CLEC10A: variants seen among roughly 807,000 people sequenced by gnomAD.
CLEC10A encodes the protein C-type lectin domain family 10 member A.
Under a neutral mutation model 42.0 loss-of-function variants are expected in CLEC10A, and 38 were observed. The ratio of observed to expected loss-of-function variants is 0.90; its 90% CI spans 0.70 to 1.18. CLEC10A has a LOEUF of 1.18. CLEC10A is among the 50% of genes most tolerant of loss of function. The pLI, the probability that CLEC10A is intolerant of heterozygous loss-of-function variation, is 0.00. For missense variants in CLEC10A, 298 were observed against 345.9 expected, an observed-to-expected ratio of 0.86 and a Z score of 1.10; for synonymous variants, 126 against 139.9, an observed-to-expected ratio of 0.90 and a Z score of 0.70.
intron 5 of CLEC10A, among the ~76,000 whole-genome samples, chr17:7,076,524 G>T (rs1911761581): frequency 6.6e-6 from 1 of 151,580 alleles, no homozygotes; most frequent in Admixed American, 6.6e-5. Context: ...ATGTCGATCA[G>T]GCTGCTCTCG....
At chr17:7,077,752 C>T in intron 3 of CLEC10A, among the ~76,000 whole-genome samples, 1 of 151,830 alleles carries the variant, frequency 6.6e-6, no homozygotes, top group Non-Finnish European at 1.5e-5. Flanking sequence ...CTCCTCCATT[C>T]CCATCAATCA....
chr17:7,076,476 A>AT (rs1220327608), intron 5 of CLEC10A, among the ~76,000 whole-genome samples: 3 of 150,208 alleles, frequency 2.0e-5, no homozygotes, highest in African/African-American at 7.4e-5. Context: ...ACACCCAGCT[A>AT]TTTTTTGTAT....
Position 7,075,393 on chromosome 17 carries a change from C to T in CLEC10A, c.668G>A (p.Trp223Ter). The T allele has an allele frequency of 6.6e-7, 1 of 1,520,532 alleles. No individual in the cohort carries two copies. The highest frequency in any genetic ancestry group is 8.8e-7 in the Non-Finnish European group (1 of 1,137,236). 94.2% of individuals were successfully genotyped at this position (1,520,532 alleles called of 1,614,324 possible). A position where few individuals can be genotyped will look rare whatever the true frequency, so the allele number is the denominator to read the frequency against. ...GGTCGCATAGTCTGTTCCATCCACCCACTTCCAGGCTCCTTCAGGGTCACT... is the reference window on the plus strand; with the variant it reads ...GGTCGCATAGTCTGTTCCATCCACCTACTTCCAGGCTCCTTCAGGGTCACT... ...GLSDPEGAWK[W>*]VDGTDYATGF... Residue 223 changes from tryptophan to a stop codon, truncating the protein, a stop_gained, in exon 8 of 9, where the codon TGG becomes TAG. Transcript: ENST00000416562. LOFTEE classifies it high-confidence loss of function.
intron 2 of CLEC10A, among the ~76,000 whole-genome samples, 169 bp from the exon 3 acceptor site, chr17:7,078,282 G>A (rs1334615184): frequency 1.3e-5 from 2 of 152,080 alleles, no homozygotes; most frequent in East Asian, 1.9e-4. Context: ...TGACTTCAGG[G>A]ACCAGCACAA....
At position 7,074,947 on chromosome 17, in the gene CLEC10A, A is replaced by G; in HGVS notation, c.*107T>C. On this transcript the variant is annotated 3_prime_UTR_variant, in exon 9 of 9. Coordinates refer to ENST00000416562, the MANE Select transcript of CLEC10A (RefSeq NM_001330070.2). ...ATTCAAAATGTTAGCAGTGCTTCCA[A>G]TCTCCCAGTGCTTATTTCTCTCCCA... 1.2e-6 allele frequency: 1 copy of G among 843,590 alleles called. No individual in the cohort carries two copies. The highest frequency in any genetic ancestry group is 3.1e-5 in the Admixed American group (1 of 32,744). The allele number at this position is 843,590 out of a possible 1,614,324, so 52.3% of individuals were successfully genotyped here.
intron 2 of CLEC10A, 110 bp from the exon 3 acceptor site, chr17:7,078,223 G>T: frequency 1.4e-6 from 1 of 740,648 alleles, no homozygotes; most frequent in South Asian, 1.8e-5. Context: ...GGGGACTCCA[G>T]GGGAGGGTTG....
chr17:7,075,841 G>T lies in CLEC10A; in HGVS notation c.484C>A (p.Gln162Lys). Residue 162 changes from glutamine (Q) to lysine (K), a missense_variant, in exon 7 of 9, where the codon CAA (glutamine) becomes AAA (lysine). Gln to Lys is a moderately conservative substitution (Grantham distance 53, BLOSUM62 1). Transcript: ENST00000416562. ...TGAGAGAACCAGTAGCAGCTGTCTT[G>T]GTGCTCCACCCAGTTGACAGGGCAG... Reference protein sequence around the residue: ...TCCPVNWVEHQDSCYWFSHSG... With the variant: ...TCCPVNWVEHKDSCYWFSHSG... 6.2e-7 allele frequency: 1 copy of T among 1,614,118 alleles called. No individual in the cohort carries two copies. Among genetic ancestry groups the T allele is most frequent in the Non-Finnish European group, 8.5e-7 (1 of 1,179,964 alleles).
Position 7,078,752 on chromosome 17 carries a change from T to C in CLEC10A, c.61A>G (p.Lys21Glu), listed in dbSNP as rs1302920510. 1 of 1,614,110 alleles carries C rather than the reference T, an allele frequency of 6.2e-7. No individual in the cohort carries two copies. The highest frequency in any genetic ancestry group is 1.1e-5 in the South Asian group (1 of 91,080). The change falls in exon 2 of 9, where the codon AAA becomes GAA. Residue 21 changes from lysine to glutamate, a missense_variant. Around this residue, in one of 3 missense-constraint regions of CLEC10A, gnomAD observed 27 missense variants for 37.0 expected, o/e 0.73. Transcript: ENST00000416562. ...LENKVKVQGFKNGPLPLQSLL... is the reference protein window; with the variant it reads ...LENKVKVQGFENGPLPLQSLL... ...GTTTCCCCTTTCCTCTTACCATTTT[T>C]AAACCCCTGGACTTTCACCTTATTC...
Position 7,075,482 on chromosome 17 carries a change from G to T in CLEC10A, c.595-16C>A. The T allele has an allele frequency of 6.5e-7, 1 of 1,527,812 alleles. No homozygotes were observed. Among genetic ancestry groups the T allele is most frequent in the Non-Finnish European group, 8.8e-7 (1 of 1,135,792 alleles). The allele number at this position is 1,527,812 out of a possible 1,614,324, so 94.6% of individuals were successfully genotyped here. A position where few individuals can be genotyped will look rare whatever the true frequency, so the allele number is the denominator to read the frequency against. On this transcript the variant is annotated splice_polypyrimidine_tract_variant and intron_variant, in intron 7 of 8. Transcript: ENST00000416562. ...GGACAAAATTCTGCGGTGACAGAAG[G>T]GCAGTGGTGACTTCTTCCCATCCCA...
chr17:7,074,867 A>G lies in CLEC10A; in HGVS notation c.*187T>C. The G allele has an allele frequency of 2.3e-6, 1 of 428,736 alleles. No individual in the cohort carries two copies. The highest frequency in any genetic ancestry group is 4.0e-6 in the Non-Finnish European group (1 of 251,516). The allele number at this position is 428,736 out of a possible 1,614,324, so 26.6% of individuals were successfully genotyped here. A position where few individuals can be genotyped will look rare whatever the true frequency, so the allele number is the denominator to read the frequency against. ...TGAAGTTGACTTTCAAAAGTTGGAA[A>G]AAAAATAAAAGCTTAAGAACACTAT... is the stretch of plus-strand genomic sequence containing the variant. On this transcript the variant is annotated 3_prime_UTR_variant, in exon 9 of 9. Coordinates refer to ENST00000416562, the MANE Select transcript of CLEC10A (RefSeq NM_001330070.2).
At chr17:7,075,921 G>A (rs764796270) in intron 6 of CLEC10A, 36 bp from the exon 7 acceptor site, 1 of 1,611,472 alleles carries the variant, frequency 6.2e-7, no homozygotes, top group African/African-American at 1.3e-5. Flanking sequence ...TGGAGAGGCT[G>A]AGGCTCTGCC....
At position 7,075,801 on chromosome 17, in the gene CLEC10A, C is replaced by T. The variant is rs1168287825; in HGVS notation, c.524G>A (p.Trp175Ter). Residue 175 changes from tryptophan to a stop codon, truncating the protein, a stop_gained, in exon 7 of 9, where the codon TGG becomes TAG. Transcript: ENST00000416562. LOFTEE classifies it high-confidence loss of function. ...CYWFSHSGMS[W>*]AEAEKYCQLK... ...CTGGCAGTACTTCTCAGCCTCGGCC[C>T]AGGACATCCCAGAGTGAGAGAACCA... 1.9e-6 allele frequency: 3 copies of T among 1,614,214 alleles called. No homozygotes were observed. Among genetic ancestry groups the T allele is most frequent in the Non-Finnish European group, 1.7e-6 (2 of 1,180,038 alleles).
At chr17:7,077,635 CCCCACCATTCCCATAAATCACTCCG>C (rs1911892018) in intron 3 of CLEC10A, among the ~76,000 whole-genome samples, 1 of 130,224 alleles carries the variant, frequency 7.7e-6, no homozygotes, top group Non-Finnish European at 1.6e-5. Flanking sequence ...CATCAATGCC[CCCCACCATTCCCATAAATCACTCCG>C]TCTGTGCCCC....
intron 1 of CLEC10A, 37 bp from the exon 2 acceptor site, chr17:7,078,922 G>GT: frequency 1.0e-6 from 1 of 959,884 alleles, no homozygotes; most frequent in South Asian, 1.3e-5. Context: ...TTGGAGCCAA[G>GT]GGCAGGGCTG....
At chr17:7,077,917 C>A (rs1310951584) in intron 3 of CLEC10A, 80 bp downstream of exon 3, 2 of 1,098,634 alleles carry the variant, frequency 1.8e-6, no homozygotes, top group Non-Finnish European at 2.8e-6. Flanking sequence ...ATCGCCCCAC[C>A]ACTGCCCTAC....
chr17:7,078,514 C>T (rs1487848471), intron 2 of CLEC10A: 1 of 574,318 alleles, frequency 1.7e-6, no homozygotes, highest in Admixed American at 3.0e-5. Flanking sequence ...CAATGCGCAG[C>T]TCTCATCCCC....
intron 2 of CLEC10A, chr17:7,078,424 C>CT (rs1911984534): frequency 2.0e-6 from 1 of 512,532 alleles, no homozygotes; most frequent in East Asian, 3.3e-5. Context: ...CCTTCATGGG[C>CT]TTATGCTCAC....
In CLEC10A at chr17:7,077,130, G is replaced by A. The variant is rs375132602; in HGVS notation, c.185-143C>T. 3.9e-5 allele frequency: 25 copies of A among 649,144 alleles called. No homozygotes were observed. In the South Asian group the frequency reaches 4.1e-4, roughly 11 times the overall value. 40.2% of individuals were successfully genotyped at this position (649,144 alleles called of 1,614,324 possible). The stretch of plus-strand genomic sequence containing the variant: ...GGCACTATTATTGTTCAATATTGCC[G>A]ATGAGGAAACTAAGCCTCAGAGAGG... On this transcript the variant is annotated intron_variant, in intron 3 of 8. Transcript: ENST00000416562.
intron 5 of CLEC10A, among the ~76,000 whole-genome samples, chr17:7,076,307 CTTT>C (rs1206807036): frequency 2.6e-4 from 32 of 121,128 alleles, no homozygotes; most frequent in African/African-American, 7.2e-4. Context: ...TTCTTTCTTT[CTTT>C]TTTTTTTTTT....
Sources: gnomAD v4.1 joint callset for allele counts (sites outside exome capture counted in the v4.1 genomes callset) on GRCh38, gnomAD v4.1.1 for gene constraint, gnomAD v4.1.1 regional missense constraint, MANE v1.5 for transcripts, NCBI Gene and HGNC (gene_info 2026-07-23, HGNC 2026-07-21) for gene names.